Variants in TG observed in about 807,000 individuals in gnomAD.
TG encodes thyroid hormones.
TG carries 270 observed loss-of-function variants against 324.7 expected under a neutral mutation model. The ratio of observed to expected loss-of-function variants is 0.83; its 90% CI spans 0.75 to 0.92. The LOEUF is 0.92. Among genes scored for constraint, TG ranks in the 40% least tolerant of loss-of-function variants. TG has a pLI of 0.00. For missense variants in TG, 3,591 were observed against 3,456.4 expected (o/e 1.04, Z -0.98); for synonymous variants, 1,401 against 1,327.0 (o/e 1.06, Z -1.21).
At chr8:132,876,427 G>A (rs1813807419) in intron 5 of TG, among the ~76,000 whole-genome samples, 1 of 152,156 alleles carries the variant, frequency 6.6e-6, no homozygotes, top group South Asian at 2.1e-4. Flanking sequence ...TTGAATCTAA[G>A]GGGATTTTTT....
intron 46 of TG, among the ~76,000 whole-genome samples, 168 bp downstream of exon 46, chr8:133,132,114 A>C (rs1172477407): frequency 1.9e-4 from 29 of 152,144 alleles, no homozygotes. Context: ...TCCTAGCCAA[A>C]ACTGCTTTTG....
intron 20 of TG, among the ~76,000 whole-genome samples, chr8:132,916,560 G>A (rs1587390297): frequency 6.6e-6 from 1 of 152,172 alleles, no homozygotes; most frequent in East Asian, 1.9e-4. Flanking sequence ...CCTGGAGGAG[G>A]GCTAATCAGG....
chr8:133,024,604 C>T (rs959249544), intron 40 of TG, among the ~76,000 whole-genome samples: 1 of 151,644 alleles, frequency 6.6e-6, no homozygotes, highest in Non-Finnish European at 1.5e-5. Context: ...GTTTCCCCTC[C>T]CTGTGTCCAT....
intron 43 of TG, among the ~76,000 whole-genome samples, chr8:133,109,893 G>A (rs181865133): frequency 4.6e-5 from 7 of 152,246 alleles, no homozygotes; most frequent in Admixed American, 3.9e-4. Flanking sequence ...TTACTCCTCT[G>A]CAGCCCAGGA....
intron 41 of TG, among the ~76,000 whole-genome samples, chr8:133,039,158 C>A (rs1032820808): frequency 6.6e-6 from 1 of 152,176 alleles, no homozygotes; most frequent in East Asian, 1.9e-4. Context: ...GGGTTACAGG[C>A]GTGAGCCACC....
intron 35 of TG, among the ~76,000 whole-genome samples, chr8:132,990,683 T>C (rs1832205161): frequency 1.3e-5 from 2 of 151,758 alleles, no homozygotes; most frequent in African/African-American, 2.4e-5. Context: ...CTAAATGCTT[T>C]CTATATTTTA....
At chr8:133,121,898 C>T (rs1479717547) in intron 45 of TG, among the ~76,000 whole-genome samples, 1 of 152,168 alleles carries the variant, frequency 6.6e-6, no homozygotes, top group African/African-American at 2.4e-5. Flanking sequence ...ATGAATGACT[C>T]ACAGAAACTA....
At chr8:132,938,185 T>C (rs934907556) in intron 25 of TG, among the ~76,000 whole-genome samples, 87 of 152,226 alleles carry the variant, frequency 5.7e-4, no homozygotes, top group African/African-American at 2.0e-3. Flanking sequence ...CATCTTCAGC[T>C]CGCAGTAGGT....
At chr8:132,977,382 G>A (rs1830293235) in intron 34 of TG, among the ~76,000 whole-genome samples, 1 of 152,056 alleles carries the variant, frequency 6.6e-6, no homozygotes. Context: ...TTTTGGCCTT[G>A]CTTCAAGTCC....
chr8:133,116,838 A>T (rs1335468847), intron 45 of TG, 122 bp downstream of exon 45: 15 of 816,316 alleles, frequency 1.8e-5, no homozygotes, highest in Non-Finnish European at 3.1e-5. Context: ...AGAAATAGAA[A>T]TAATTGTAGT....
chr8:132,882,317 G>A, intron 6 of TG, 152 bp from the exon 7 acceptor site: 1 of 921,002 alleles, frequency 1.1e-6, no homozygotes, highest in Non-Finnish European at 1.8e-6. Context: ...ATCCACAGCA[G>A]CTCTGACTTT....
At chr8:133,040,060 C>T (rs1372668526) in intron 41 of TG, 1 of 1,554,914 alleles carries the variant, frequency 6.4e-7, no homozygotes, top group Non-Finnish European at 8.7e-7. Flanking sequence ...TGGAGGCCCT[C>T]ACTGCTGGGG....
At chr8:132,899,787 C>T (rs949785199) in intron 14 of TG, among the ~76,000 whole-genome samples, 4 of 152,276 alleles carry the variant, frequency 2.6e-5, no homozygotes, top group East Asian at 1.9e-4. Context: ...CAGAGTGGAG[C>T]TTAGAGGCGC....
chr8:132,923,545 G>T (rs1395580583), intron 22 of TG, 37 bp downstream of exon 22: 1 of 1,602,448 alleles, frequency 6.2e-7, no homozygotes. Context: ...TGGTTCCTGG[G>T]GACTGGGGAG....
chr8:133,105,725 T>A (rs532213693), intron 43 of TG, among the ~76,000 whole-genome samples: 1 of 152,182 alleles, frequency 6.6e-6, no homozygotes, highest in African/African-American at 2.4e-5. Context: ...CAAGCATTCG[T>A]GGACAGAATG....
At chr8:132,880,839 T>C (rs1171220401) in intron 5 of TG, among the ~76,000 whole-genome samples, 2 of 152,254 alleles carry the variant, frequency 1.3e-5, no homozygotes, top group African/African-American at 2.4e-5. Flanking sequence ...TTAAGCATTG[T>C]CCTCAATCAT....
At chr8:132,974,459 A>C (rs914230825) in intron 34 of TG, among the ~76,000 whole-genome samples, 5 of 152,156 alleles carry the variant, frequency 3.3e-5, no homozygotes, top group Non-Finnish European at 5.9e-5. Context: ...TTTCCATTTT[A>C]AGGTGAGAAG....
intron 14 of TG, among the ~76,000 whole-genome samples, chr8:132,899,294 G>A (rs1462639613): frequency 1.3e-5 from 2 of 152,208 alleles, no homozygotes; most frequent in Non-Finnish European, 2.9e-5. Flanking sequence ...ACACACAGAG[G>A]ACACCAGCTT....
chr8:133,017,892 A>G lies in TG; in HGVS notation c.6677A>G (p.Asp2226Gly). The G allele has an allele frequency of 3.1e-6, 5 of 1,614,182 alleles. No individual in the cohort carries two copies. The highest frequency in any genetic ancestry group is 4.2e-6 in the Non-Finnish European group (5 of 1,180,028). Residue 2226 changes from aspartate (D) to glycine (G), a missense_variant, in exon 38 of 48, where the codon GAC becomes GGC. Coordinates refer to ENST00000220616, the MANE Select transcript of TG (RefSeq NM_003235.5). ...IQVGTSWKQV[D>G]QFLGVPYAAP... Reference sequence around the variant, plus strand: ...GTGGGTACCTCATGGAAGCAAGTGGACCAGTTCCTTGGAGTTCCATATGCT... The same window carrying G: ...GTGGGTACCTCATGGAAGCAAGTGGGCCAGTTCCTTGGAGTTCCATATGCT...
Sources: allele counts gnomAD v4.1 joint callset (sites outside exome capture counted in the v4.1 genomes callset), GRCh38; gene constraint gnomAD v4.1.1; transcripts MANE v1.5; gene names NCBI Gene and HGNC (gene_info 2026-07-23, HGNC 2026-07-21).